The following PPM1B variants were observed in gnomAD, a reference collection of about 807,000 sequenced individuals.
PPM1B encodes protein phosphatase, Mg2+/Mn2+ dependent 1B, also known as protein phosphatase 1B.
Under a neutral mutation model 43.0 loss-of-function variants are expected in PPM1B, and 22 were observed. The ratio of observed to expected loss-of-function variants is 0.51; its 90% CI spans 0.37 to 0.73. PPM1B has a LOEUF of 0.73. PPM1B is among the 30% of genes least tolerant of loss of function. PPM1B has a pLI of 0.00. For synonymous variants in PPM1B, 217 were observed against 197.9 expected, an observed-to-expected ratio of 1.10 and a Z score of -0.81; for missense variants, 632 against 584.2, an observed-to-expected ratio of 1.08 and a Z score of -0.84.
downstream of PPM1B, among the ~76,000 whole-genome samples, chr2:44,238,330 T>A (rs1398286616): frequency 1.3e-5 from 2 of 152,210 alleles, no homozygotes; most frequent in Admixed American, 6.5e-5. Flanking sequence ...AAATATTTAA[T>A]ATTTGCTATT....
downstream of PPM1B, among the ~76,000 whole-genome samples, chr2:44,246,308 TG>T (rs928495587): frequency 2.0e-5 from 3 of 152,342 alleles, no homozygotes; most frequent in East Asian, 5.8e-4. Context: ...TATTTTTGGT[TG>T]GTGTTTTGGT....
At chr2:44,199,899 C>T (rs6707638) in intron 1 of PPM1B, among the ~76,000 whole-genome samples, 3 of 151,394 alleles carry the variant, frequency 2.0e-5, no homozygotes, top group Non-Finnish European at 2.9e-5. Flanking sequence ...TTTTAAATGG[C>T]GATATGTAAT....
intron 5 of PPM1B, among the ~76,000 whole-genome samples, chr2:44,219,696 C>T (rs1669883402): frequency 6.6e-6 from 1 of 152,058 alleles, no homozygotes; most frequent in Non-Finnish European, 1.5e-5. Context: ...GTAATCCCAG[C>T]AGTTTGGGAG....
chr2:44,234,126 G>T (rs776849068), downstream of PPM1B: 1 of 966,868 alleles, frequency 1.0e-6, no homozygotes, highest in East Asian at 1.1e-4. Context: ...TATATGGTTG[G>T]CATATTTCTG....
At position 44,201,266 on chromosome 2, in the gene PPM1B, C is replaced by T. The variant is rs532763547; in HGVS notation, c.67C>T (p.Arg23Cys). Reference protein sequence around the residue: ...HNAHGAGNGLRYGLSSMQGWR... With the variant: ...HNAHGAGNGLCYGLSSMQGWR... ...TGCTCATGGTGCTGGGAATGGTTTACGTTATGGCCTGAGCAGCATGCAAGG... is the reference window on the plus strand; with the variant it reads ...TGCTCATGGTGCTGGGAATGGTTTATGTTATGGCCTGAGCAGCATGCAAGG... The change falls in exon 2 of 6, where the codon CGT becomes TGT. Residue 23 changes from arginine (R) to cysteine (C), a missense_variant. This residue lies in a region of PPM1B where 200 missense variants were observed against 200.7 expected (regional missense o/e 1.00). Coordinates refer to ENST00000282412, the MANE Select transcript of PPM1B (RefSeq NM_002706.6). This position sits in a 1 kb window ranked among gnomAD's most constrained non-coding sequence, Gnocchi z 5.4. 17 of 1,613,946 alleles carry T rather than the reference C, an allele frequency of 1.1e-5. No individual in the cohort carries two copies. The South Asian group carries it at 1.4e-4, about 14-fold the overall frequency.
chr2:44,192,703 A>AC (rs1439826241), intron 1 of PPM1B, among the ~76,000 whole-genome samples: 2 of 152,264 alleles, frequency 1.3e-5, no homozygotes, highest in Admixed American at 1.3e-4. Context: ...CTATCCTTTG[A>AC]CCAACATCTC....
rs1558432968 is a variant in PPM1B at position 44,230,461 on chromosome 2, G to T, written c.1183G>T (p.Ala395Ser). The T allele has an allele frequency of 2.5e-6, 4 of 1,614,218 alleles. No individual in the cohort carries two copies. The African/African-American group carries it at 4.0e-5, about 16-fold the overall frequency. The change falls in exon 6 of 6, where the codon GCT becomes TCT. Residue 395 changes from alanine to serine, a missense_variant. Physicochemically the swap from Ala to Ser is moderately conservative, Grantham distance 99. Coordinates refer to ENST00000282412, the MANE Select transcript of PPM1B (RefSeq NM_002706.6). ...TGGATCACAGGGAAAATTGGTGGAA[G>T]CTCTCAGGCAAATGAGAATTAATCA... The part of the protein sequence containing the change: ...ESGSQGKLVE[A>S]LRQMRINHRG...
intron 1 of PPM1B, among the ~76,000 whole-genome samples, chr2:44,177,807 T>A (rs1471760851): frequency 6.6e-6 from 1 of 152,040 alleles, no homozygotes; most frequent in Non-Finnish European, 1.5e-5. Flanking sequence ...TTTTTACAAT[T>A]TGTTCTTGTC....
chr2:44,179,759 A>G (rs1355603675), intron 1 of PPM1B, among the ~76,000 whole-genome samples: 2 of 152,226 alleles, frequency 1.3e-5, no homozygotes, highest in Admixed American at 1.3e-4. Flanking sequence ...CTGTAATCCC[A>G]GCACTTTGGG....
rs1024228897 is a variant in PPM1B at position 44,190,303 on chromosome 2, C to T, written c.-14-10883C>T. Reference sequence around the variant, plus strand: ...TCGAGTAGCTGGGACTATAGGTGCCCGCCACCACATCCAGCTAGTTTTTTT... The same window carrying T: ...TCGAGTAGCTGGGACTATAGGTGCCTGCCACCACATCCAGCTAGTTTTTTT... On this transcript the variant is annotated intron_variant, in intron 1 of 5. Coordinates refer to ENST00000282412, the MANE Select transcript of PPM1B (RefSeq NM_002706.6). Among the ~76,000 whole-genome samples, 3 of 151,734 alleles carry T rather than the reference C, an allele frequency of 2.0e-5. No homozygotes were observed. The South Asian group carries it at 6.2e-4, about 32-fold the overall frequency.
At chr2:44,172,435 T>G (rs1667391829) in intron 1 of PPM1B, among the ~76,000 whole-genome samples, 1 of 152,342 alleles carries the variant, frequency 6.6e-6, no homozygotes, top group African/African-American at 2.4e-5. Context: ...ATTTGCAGAA[T>G]GACAGAACTG....
intron 1 of PPM1B, among the ~76,000 whole-genome samples, chr2:44,184,554 T>C (rs576101501): frequency 6.6e-6 from 1 of 152,334 alleles, no homozygotes; most frequent in East Asian, 1.9e-4. Flanking sequence ...TCTTCATTCT[T>C]GATCCCACTC....
At position 44,203,531 on chromosome 2, in the gene PPM1B, G is replaced by C. The variant is rs530723196; in HGVS notation, c.846+1486G>C. On this transcript the variant is annotated intron_variant, in intron 2 of 5. Transcript: ENST00000282412. ...AAATCCAGATGATGAAGAAAATATA[G>C]AGAAACACCCAAAATTTTGCCATCC... Among the ~76,000 whole-genome samples, 53 of 152,112 alleles carry C rather than the reference G, an allele frequency of 3.5e-4. 1 individual carries two copies. Among genetic ancestry groups the C allele is most frequent in the South Asian group, 1.9e-3 (9 of 4,824 alleles).
chr2:44,221,996 T>G (rs941700634), intron 5 of PPM1B, among the ~76,000 whole-genome samples: 5 of 152,048 alleles, frequency 3.3e-5, no homozygotes, highest in Non-Finnish European at 7.4e-5. Context: ...AAATACAAAT[T>G]TGTAACAAAG....
In PPM1B at chr2:44,225,626, T is replaced by G. The variant is rs199532276; in HGVS notation, c.1135-4787T>G. Among the ~76,000 whole-genome samples the G allele has an allele frequency of 1.2e-4, 18 of 152,298 alleles. 1 individual carries two copies. The East Asian group carries it at 3.3e-3, about 28-fold the overall frequency. ...ATTGCAAATCCGTGTCTACTTGATT[T>G]ATTGGTTTGGTTTTCTTTTGCTTTT... On this transcript the variant is annotated intron_variant, in intron 5 of 5. Coordinates refer to ENST00000282412, the MANE Select transcript of PPM1B (RefSeq NM_002706.6).
intron 1 of PPM1B, among the ~76,000 whole-genome samples, chr2:44,188,536 A>G (rs1490376040): frequency 2.6e-5 from 4 of 151,326 alleles, no homozygotes; most frequent in Non-Finnish European, 5.9e-5. Context: ...GGCTGGGATC[A>G]CAGGCACGCG....
At chr2:44,243,084 C>A (rs1353340740) in intron 5 of PPM1B, among the ~76,000 whole-genome samples, 1 of 152,136 alleles carries the variant, frequency 6.6e-6, no homozygotes, top group Non-Finnish European at 1.5e-5. Context: ...CATCATGCAA[C>A]TTCTGAGCTT....
chr2:44,172,902 G>A (rs997394127), intron 1 of PPM1B, among the ~76,000 whole-genome samples: 3 of 152,160 alleles, frequency 2.0e-5, no homozygotes, highest in Non-Finnish European at 4.4e-5. Context: ...GTGAAACCAC[G>A]CCTCTATTTT....
intron 5 of PPM1B, among the ~76,000 whole-genome samples, chr2:44,239,866 C>A (rs1670707516): frequency 6.6e-6 from 1 of 150,394 alleles, no homozygotes; most frequent in South Asian, 2.1e-4. Context: ...CTAGTTTCTT[C>A]TGCTCTATTG....
Sources: gnomAD v4.1 joint callset for allele counts (sites outside exome capture counted in the v4.1 genomes callset) on GRCh38, gnomAD v4.1.1 for gene constraint, gnomAD v4.1.1 regional missense constraint, Gnocchi (gnomAD v3.1) non-coding constraint, MANE v1.5 for transcripts, NCBI Gene and HGNC (gene_info 2026-07-23, HGNC 2026-07-21) for gene names.